Variants in ERC2 observed in about 807,000 individuals in gnomAD.
The protein encoded by ERC2 is ELKS/RAB6-interacting/CAST family member 2, also known as ERC protein 2.
Under a neutral mutation model 114.8 loss-of-function variants are expected in ERC2, and 42 were observed. The ratio of observed to expected loss-of-function variants is 0.37; its 90% CI spans 0.29 to 0.47. The LOEUF is 0.47. Among genes scored for constraint, ERC2 ranks in the 20% least tolerant of loss-of-function variants. ERC2 has a pLI of 0.99. For synonymous variants in ERC2, 454 were observed against 425.5 expected (o/e 1.07, Z -0.82); for missense variants, 939 against 1,150.7 (o/e 0.82, Z 2.66).
chr3:56,139,658 C>T lies in ERC2; in HGVS notation c.1324G>A (p.Glu442Lys). The part of the protein sequence containing the change: ...MKTKIDQLKQ[E>K]LSKKESELLA... ...AGTTCCGACTCTTTCTTTGAAAGTT[C>T]CTGCTTCAGCTGATCAATCTGCAAA... is the stretch of plus-strand genomic sequence containing the variant. The change falls in exon 6 of 18, where the codon GAA becomes AAA. Residue 442 changes from glutamate (E) to lysine (K), a missense_variant. Physicochemically the swap from Glu to Lys is moderately conservative, Grantham distance 56. Transcript: ENST00000288221. The T allele has an allele frequency of 1.2e-6, 2 of 1,603,704 alleles. No homozygotes were observed. Among genetic ancestry groups the T allele is most frequent in the Non-Finnish European group, 1.7e-6 (2 of 1,174,510 alleles).
chr3:55,639,916 A>G (rs1421679981), intron 17 of ERC2, among the ~76,000 whole-genome samples: 6 of 152,132 alleles, frequency 3.9e-5, no homozygotes, highest in Non-Finnish European at 8.8e-5. Context: ...GCTGAGGGAG[A>G]AGAGGTGGTG....
chr3:55,860,568 G>C (rs1406984490), intron 14 of ERC2, among the ~76,000 whole-genome samples: 1 of 152,110 alleles, frequency 6.6e-6, no homozygotes, highest in African/African-American at 2.4e-5. Context: ...CTGAATAAAG[G>C]CAGCTGAATT....
chr3:55,683,922 G>A (rs1183154883), intron 16 of ERC2, 63 bp from the exon 17 acceptor site: 3 of 1,579,474 alleles, frequency 1.9e-6, no homozygotes, highest in Admixed American at 1.8e-5. Flanking sequence ...TGAAAGAAGA[G>A]AAGGTTAGTT....
chr3:56,202,559 T>C (rs1034373387), intron 3 of ERC2, among the ~76,000 whole-genome samples: 1 of 151,206 alleles, frequency 6.6e-6, no homozygotes, highest in African/African-American at 2.4e-5. Flanking sequence ...GGGGTATAAA[T>C]GACCAAAAAA....
At chr3:56,111,513 G>A (rs1256016438) in intron 6 of ERC2, among the ~76,000 whole-genome samples, 1 of 152,074 alleles carries the variant, frequency 6.6e-6, no homozygotes. Flanking sequence ...CCAAATAAGG[G>A]TAAATCAGAA....
chr3:55,841,023 A>C (rs983266279), intron 14 of ERC2, among the ~76,000 whole-genome samples: 1 of 152,148 alleles, frequency 6.6e-6, no homozygotes, highest in South Asian at 2.1e-4. Context: ...GTAGTAATGG[A>C]TATGTTCATT....
chr3:55,723,569 C>G (rs568455508), intron 15 of ERC2, among the ~76,000 whole-genome samples: 2 of 151,974 alleles, frequency 1.3e-5, no homozygotes, highest in African/African-American at 4.8e-5. Context: ...ACATCTTCCC[C>G]AAAAGAATAT....
At chr3:55,655,664 G>T (rs1356243827) in intron 17 of ERC2, among the ~76,000 whole-genome samples, 2 of 152,132 alleles carry the variant, frequency 1.3e-5, no homozygotes, top group Non-Finnish European at 2.9e-5. Context: ...GGTCAGCCAG[G>T]CCACCTATAA....
At chr3:55,694,461 T>A (rs1343574704) in intron 16 of ERC2, among the ~76,000 whole-genome samples, 1 of 152,202 alleles carries the variant, frequency 6.6e-6, no homozygotes, top group Non-Finnish European at 1.5e-5. Context: ...AAGTATCATG[T>A]CTCCATGCTC....
chr3:55,889,761 T>G (rs983414677), intron 13 of ERC2, among the ~76,000 whole-genome samples: 2 of 152,172 alleles, frequency 1.3e-5, no homozygotes. Context: ...CCAGCTGAAC[T>G]TGGCAGAATA....
intron 3 of ERC2, among the ~76,000 whole-genome samples, chr3:56,257,675 T>C (rs2052611313): frequency 6.6e-6 from 1 of 152,276 alleles, no homozygotes; most frequent in South Asian, 2.1e-4. Flanking sequence ...GCCTTGCATG[T>C]ATGACATTCA....
At chr3:56,163,269 C>T (rs2082149419) in intron 4 of ERC2, among the ~76,000 whole-genome samples, 1 of 152,038 alleles carries the variant, frequency 6.6e-6, no homozygotes, top group Admixed American at 6.6e-5. Flanking sequence ...TTTATTGAGA[C>T]TCACCTTATG....
intron 12 of ERC2, among the ~76,000 whole-genome samples, chr3:55,962,455 C>A (rs192223163): frequency 1.3e-5 from 2 of 152,324 alleles, no homozygotes; most frequent in African/African-American, 4.8e-5. Flanking sequence ...AATATATACA[C>A]TGTGTTCCAA....
chr3:56,457,560 G>A (rs147424794), intron 1 of ERC2, among the ~76,000 whole-genome samples: 9 of 152,088 alleles, frequency 5.9e-5, no homozygotes, highest in South Asian at 4.2e-4. Context: ...GTCCTTGATC[G>A]TATCCGTCCC....
chr3:55,743,630 A>G (rs963872640), intron 14 of ERC2, among the ~76,000 whole-genome samples: 1 of 151,802 alleles, frequency 6.6e-6, no homozygotes, highest in Non-Finnish European at 1.5e-5. Context: ...AGAAAAAAAG[A>G]AAATACTTCT....
intron 2 of ERC2, among the ~76,000 whole-genome samples, chr3:56,411,252 A>G (rs1161390853): frequency 2.0e-5 from 3 of 151,580 alleles, no homozygotes; most frequent in Non-Finnish European, 4.4e-5. Context: ...TTATCTGTAA[A>G]TAACAAGAAA....
intron 3 of ERC2, among the ~76,000 whole-genome samples, chr3:56,272,006 C>G (rs1389579073): frequency 6.6e-6 from 1 of 152,142 alleles, no homozygotes; most frequent in Non-Finnish European, 1.5e-5. Context: ...TGTCCATCAT[C>G]ATTATTATAT....
At chr3:55,607,615 T>TTG (rs1553721548) in intron 17 of ERC2, among the ~76,000 whole-genome samples, 1 of 19,238 alleles carries the variant, frequency 5.2e-5, no homozygotes, top group East Asian at 0.026. Flanking sequence ...AAATAGTGTG[T>TTG]TTTTTTTTTT....
chr3:56,226,420 G>C (rs1485678), intron 3 of ERC2, among the ~76,000 whole-genome samples: 68,209 of 151,910 alleles, frequency 0.45, 15,854 homozygotes, highest in East Asian at 0.71. Context: ...CACGAAAAGT[G>C]GTTATTAAAA....
Sources: gnomAD v4.1 joint callset for allele counts (sites outside exome capture counted in the v4.1 genomes callset) on GRCh38, gnomAD v4.1.1 for gene constraint, MANE v1.5 for transcripts, NCBI Gene and HGNC (gene_info 2026-07-23, HGNC 2026-07-21) for gene names.